The following NTNG1 variants were observed in gnomAD, a reference collection of about 807,000 sequenced individuals.
NTNG1 encodes netrin-G1.
In NTNG1, 16 loss-of-function variants were observed where a neutral mutation model predicts 54.0. The observed-to-expected ratio is 0.30, with a 90% CI of 0.20 to 0.45. The LOEUF is 0.45. NTNG1 is among the 20% of genes least tolerant of loss of function. The pLI is 1.00. For synonymous variants in NTNG1, 255 were observed against 263.1 expected, an observed-to-expected ratio of 0.97 and a Z score of 0.30; for missense variants, 530 against 678.7, an observed-to-expected ratio of 0.78 and a Z score of 2.43.
intron 2 of NTNG1, among the ~76,000 whole-genome samples, chr1:107,272,501 T>C (rs1664212199): frequency 6.6e-6 from 1 of 152,130 alleles, no homozygotes; most frequent in Non-Finnish European, 1.5e-5. Context: ...AAATCAGCCC[T>C]CCAGGGCATT....
At chr1:107,150,492 T>C (rs181748368) in intron 2 of NTNG1, among the ~76,000 whole-genome samples, 1 of 152,324 alleles carries the variant, frequency 6.6e-6, no homozygotes, top group East Asian at 1.9e-4. Context: ...GTCTGCATAT[T>C]GTTAAGAACT....
rs571450717 is a variant in NTNG1 at position 107,438,034 on chromosome 1, T to C, written c.1390+1235T>C. Among the ~76,000 whole-genome samples, 26 of 152,320 alleles carry C rather than the reference T, an allele frequency of 1.7e-4. 1 individual carries two copies. The South Asian group carries it at 5.2e-3, about 30-fold the overall frequency. ...AGTAGTAATAGCAACTTTTATATTC[T>C]ATAAAATAAATTCTTCATGATGAAT... On this transcript the variant is annotated intron_variant, in intron 7 of 7. Coordinates refer to ENST00000370068, the MANE Select transcript of NTNG1 (RefSeq NM_001113226.3).
intron 7 of NTNG1, among the ~76,000 whole-genome samples, chr1:107,471,427 C>T (rs1441564226): frequency 6.6e-6 from 1 of 152,148 alleles, no homozygotes; most frequent in African/African-American, 2.4e-5. Flanking sequence ...TTGTTTGCAT[C>T]CGTACCTCCC....
intron 7 of NTNG1, 38 bp from the exon 8 acceptor site, chr1:107,480,573 C>CCCCCCCCCCCCCCCACACA: frequency 1.8e-6 from 1 of 559,904 alleles, no homozygotes. Context: ...TTCTCCTCCC[C>CCCCCCCCCCCCCCCACACA]GCGCCCACCC....
chr1:107,197,985 C>T (rs192524237), intron 2 of NTNG1, among the ~76,000 whole-genome samples: 13 of 151,902 alleles, frequency 8.6e-5, no homozygotes, highest in Admixed American at 5.9e-4. Context: ...CATTTTTTTC[C>T]TATTCTTTGA....
At chr1:107,386,649 T>TG (rs1457279724) in intron 3 of NTNG1, among the ~76,000 whole-genome samples, 1 of 152,222 alleles carries the variant, frequency 6.6e-6, no homozygotes, top group Non-Finnish European at 1.5e-5. Flanking sequence ...TGATGGACAT[T>TG]GGGTTGTGTT....
At chr1:107,322,260 A>T (rs983937281) in intron 2 of NTNG1, among the ~76,000 whole-genome samples, 10 of 152,000 alleles carry the variant, frequency 6.6e-5, no homozygotes, top group African/African-American at 2.4e-4. Flanking sequence ...CTTACTACAA[A>T]CATCTGATAA....
At chr1:107,446,163 A>G (rs916175431) in intron 7 of NTNG1, among the ~76,000 whole-genome samples, 3 of 152,092 alleles carry the variant, frequency 2.0e-5, no homozygotes, top group Non-Finnish European at 4.4e-5. Context: ...AGTTGAACTA[A>G]CTGGTTCTTA....
chr1:107,287,722 G>C (rs1485311598), intron 2 of NTNG1, among the ~76,000 whole-genome samples: 2 of 152,122 alleles, frequency 1.3e-5, no homozygotes, highest in African/African-American at 2.4e-5. Flanking sequence ...GGAAAGTAAT[G>C]GTTAGGAGCA....
At chr1:107,428,528 C>T (rs1022674677) in intron 5 of NTNG1, among the ~76,000 whole-genome samples, 3 of 151,968 alleles carry the variant, frequency 2.0e-5, no homozygotes, top group Admixed American at 6.6e-5. Context: ...AGAACCAACC[C>T]GGGTTAGGGA....
At chr1:107,279,555 T>C (rs1280079155) in intron 2 of NTNG1, among the ~76,000 whole-genome samples, 2 of 152,232 alleles carry the variant, frequency 1.3e-5, no homozygotes, top group East Asian at 3.8e-4. Flanking sequence ...TCTACCTTTC[T>C]GTTCCTGTAG....
chr1:107,156,436 A>G (rs762505614), intron 2 of NTNG1, among the ~76,000 whole-genome samples: 8 of 152,220 alleles, frequency 5.3e-5, no homozygotes, highest in Admixed American at 1.3e-4. Flanking sequence ...TGTTCAACAC[A>G]GCATTATAAC....
intron 2 of NTNG1, among the ~76,000 whole-genome samples, chr1:107,250,785 C>A (rs1662553463): frequency 6.6e-6 from 1 of 152,120 alleles, no homozygotes; most frequent in Non-Finnish European, 1.5e-5. Context: ...ATAGGGTGAC[C>A]TTGGTCAAGG....
Position 107,481,667 on chromosome 1 carries a change from T to C in NTNG1, c.*827T>C, listed in dbSNP as rs1010710614. ...CAGCAAAGACTGACATTTTATTTTG[T>C]CCTCTTTCGTTCTGTTTTGTTTCAC... On this transcript the variant is annotated 3_prime_UTR_variant, in exon 8 of 8. Transcript: ENST00000370068. The C allele has an allele frequency of 1.3e-5, 2 of 152,670 alleles. No homozygotes were observed. The highest frequency in any genetic ancestry group is 1.3e-4 in the Admixed American group (2 of 15,292). 9.5% of individuals were successfully genotyped at this position (152,670 alleles called of 1,614,324 possible).
chr1:107,179,177 G>A (rs1656881308), intron 2 of NTNG1, among the ~76,000 whole-genome samples: 1 of 152,140 alleles, frequency 6.6e-6, no homozygotes, highest in South Asian at 2.1e-4. Flanking sequence ...TGAAAGAGTT[G>A]AGGACTTTCT....
At chr1:107,300,709 A>T (rs1020875933) in intron 2 of NTNG1, among the ~76,000 whole-genome samples, 2 of 152,154 alleles carry the variant, frequency 1.3e-5, no homozygotes, top group Non-Finnish European at 2.9e-5. Context: ...TTCTTTTTTA[A>T]AGTTGATTGT....
Position 107,148,469 on chromosome 1 carries a change from A to C in NTNG1, c.-125A>C. The C allele has an allele frequency of 1.1e-6, 1 of 884,190 alleles. No individual in the cohort carries two copies. The highest frequency in any genetic ancestry group is 1.8e-6 in the Non-Finnish European group (1 of 571,328). 54.8% of individuals were successfully genotyped at this position (884,190 alleles called of 1,614,324 possible). A position where few individuals can be genotyped will look rare whatever the true frequency, so the allele number is the denominator to read the frequency against. ...AGGTCCCATCTTCATTTAAAAAAAA[A>C]TACAGAGACCTACCTACCCGTACGC... On this transcript the variant is annotated 5_prime_UTR_variant, in exon 2 of 8. Transcript: ENST00000370068.
intron 2 of NTNG1, among the ~76,000 whole-genome samples, chr1:107,151,113 C>T (rs17018484): frequency 0.048 from 7,356 of 152,198 alleles, 571 homozygotes; most frequent in African/African-American, 0.17. Context: ...CCTATCAATG[C>T]TTAATTTGTA....
At position 107,436,746 on chromosome 1, in the gene NTNG1, G is replaced by A. The variant is rs778962536; in HGVS notation, c.1337G>A (p.Gly446Glu). 1.2e-6 allele frequency: 2 copies of A among 1,613,378 alleles called. No individual in the cohort carries two copies. Among genetic ancestry groups the A allele is most frequent in the Non-Finnish European group, 1.7e-6 (2 of 1,179,528 alleles). The part of the protein sequence containing the change: ...GFCECKTGTT[G>E]PKCDECLPGN... ...TGTGAGTGTAAGACTGGAACAACAG[G>A]GCCTAAGTGTGATGAGTGTCTGCCG... The change falls in exon 7 of 8, where the codon GGG becomes GAG. Residue 446 changes from glycine to glutamate, a missense_variant. Coordinates refer to ENST00000370068, the MANE Select transcript of NTNG1 (RefSeq NM_001113226.3).
Sources: allele counts gnomAD v4.1 joint callset (sites outside exome capture counted in the v4.1 genomes callset), GRCh38; gene constraint gnomAD v4.1.1; transcripts MANE v1.5; gene names NCBI Gene and HGNC (gene_info 2026-07-23, HGNC 2026-07-21).